Variants in MNAT1 observed in about 807,000 individuals in gnomAD.
The protein encoded by MNAT1 is MNAT1 component of CDK activating kinase.
A neutral mutation model predicts 42.0 loss-of-function variants in MNAT1; 43 were observed. That is an observed-to-expected ratio of 1.02 (90% CI 0.80 to 1.32). MNAT1 has a LOEUF of 1.32. Among genes scored for constraint, MNAT1 ranks in the 40% most tolerant of loss-of-function variants. The pLI, the probability that MNAT1 is intolerant of heterozygous loss-of-function variation, is 0.00. For missense variants in MNAT1, 306 were observed against 350.4 expected, an observed-to-expected ratio of 0.87 and a Z score of 1.01; for synonymous variants, 118 against 120.0, an observed-to-expected ratio of 0.98 and a Z score of 0.11.
intron 7 of MNAT1, among the ~76,000 whole-genome samples, chr14:60,961,230 G>A (rs999998124): frequency 2.0e-5 from 3 of 152,200 alleles, no homozygotes; most frequent in Non-Finnish European, 4.4e-5. Flanking sequence ...CCAAAGTGCT[G>A]GGATTACAGG....
chr14:60,925,389 T>C (rs2035746317), intron 7 of MNAT1, among the ~76,000 whole-genome samples: 1 of 152,124 alleles, frequency 6.6e-6, no homozygotes, highest in Non-Finnish European at 1.5e-5. Context: ...CCCCCACAGA[T>C]GCTAAGGGAT....
intron 1 of MNAT1, among the ~76,000 whole-genome samples, chr14:60,756,109 A>C (rs1315260216): frequency 6.6e-6 from 1 of 152,162 alleles, no homozygotes; most frequent in African/African-American, 2.4e-5. Context: ...TATGATGCTT[A>C]GATTATTTGA....
At chr14:60,798,775 T>G (rs1482075274) in intron 3 of MNAT1, among the ~76,000 whole-genome samples, 6 of 152,196 alleles carry the variant, frequency 3.9e-5, no homozygotes, top group Non-Finnish European at 7.4e-5. Flanking sequence ...GAAGTTGTTA[T>G]ATGTTGATTT....
intron 6 of MNAT1, among the ~76,000 whole-genome samples, chr14:60,878,453 C>T (rs2034479342): frequency 6.6e-6 from 1 of 151,936 alleles, no homozygotes. Flanking sequence ...TAATGATTTC[C>T]CATGGAAACT....
At chr14:60,837,772 G>T (rs2033433681) in intron 6 of MNAT1, among the ~76,000 whole-genome samples, 1 of 152,116 alleles carries the variant, frequency 6.6e-6, no homozygotes, top group Admixed American at 6.5e-5. Flanking sequence ...TTTCCTTTTG[G>T]TCTCAGAGTG....
At chr14:60,760,616 A>C (rs1383412458) in intron 1 of MNAT1, among the ~76,000 whole-genome samples, 2 of 152,260 alleles carry the variant, frequency 1.3e-5, no homozygotes, top group Non-Finnish European at 2.9e-5. Context: ...GAGCAATAAA[A>C]GTCTGAAAGA....
At chr14:60,779,911 T>G in intron 1 of MNAT1, 2 of 968,070 alleles carry the variant, frequency 2.1e-6, no homozygotes, top group Non-Finnish European at 3.2e-6. Flanking sequence ...TTGGAGCCGC[T>G]GTGGTTGCTG....
intron 7 of MNAT1, among the ~76,000 whole-genome samples, chr14:60,889,630 A>G: frequency 6.6e-6 from 1 of 152,224 alleles, no homozygotes; most frequent in East Asian, 1.9e-4. Context: ...GAGCTTCTTC[A>G]CAGCAAAAGA....
intron 7 of MNAT1, among the ~76,000 whole-genome samples, chr14:60,910,329 C>T (rs2035319663): frequency 6.6e-6 from 1 of 152,140 alleles, no homozygotes; most frequent in African/African-American, 2.4e-5. Flanking sequence ...CTTCTCCTGC[C>T]TGATTGCCCT....
chr14:60,935,640 T>C (rs2139577061), intron 7 of MNAT1, among the ~76,000 whole-genome samples: 1 of 152,324 alleles, frequency 6.6e-6, no homozygotes, highest in South Asian at 2.1e-4. Flanking sequence ...AAATATATTA[T>C]GGCTTCTGCT....
At chr14:60,743,838 T>C (rs997738226) in intron 1 of MNAT1, among the ~76,000 whole-genome samples, 13 of 152,206 alleles carry the variant, frequency 8.5e-5, no homozygotes, top group Admixed American at 8.5e-4. Flanking sequence ...TTGATCTATC[T>C]TCAGGTTCAC....
intron 7 of MNAT1, among the ~76,000 whole-genome samples, chr14:60,966,217 C>T (rs2036680270): frequency 6.6e-6 from 1 of 151,918 alleles, no homozygotes; most frequent in Non-Finnish European, 1.5e-5. Flanking sequence ...ACCTCTGCCT[C>T]ATGGACTGAA....
At chr14:60,907,770 G>A (rs1268879225) in intron 7 of MNAT1, among the ~76,000 whole-genome samples, 11 of 68,994 alleles carry the variant, frequency 1.6e-4, no homozygotes, top group African/African-American at 4.3e-4. Context: ...CAACAAGAGC[G>A]AAACTGTGTC....
At chr14:60,762,324 C>T (rs1384544134) in intron 1 of MNAT1, among the ~76,000 whole-genome samples, 2 of 152,000 alleles carry the variant, frequency 1.3e-5, no homozygotes, top group Non-Finnish European at 2.9e-5. Context: ...TCTGTAATAT[C>T]TTATGATGGA....
intron 1 of MNAT1, among the ~76,000 whole-genome samples, chr14:60,794,698 A>G (rs1166447611): frequency 6.8e-6 from 1 of 146,580 alleles, no homozygotes; most frequent in Non-Finnish European, 1.5e-5. Flanking sequence ...ATATATATAC[A>G]TATGTGTGTA....
In MNAT1 at chr14:60,937,748, T is replaced by A. The variant is rs1165798910; in HGVS notation, c.810-30481T>A. 2.0e-5 allele frequency among the ~76,000 whole-genome samples: 3 copies of A among 152,028 alleles called. No individual in the cohort carries two copies. In the East Asian group the frequency reaches 5.8e-4, roughly 29 times the overall value. ...GGTTCCATATGAACTTTAAAGTAGTTTTTTCCAATTCTGTGAAGAAAGTCA... is the reference window on the plus strand; with the variant it reads ...GGTTCCATATGAACTTTAAAGTAGTATTTTCCAATTCTGTGAAGAAAGTCA... On this transcript the variant is annotated intron_variant, in intron 7 of 7. Transcript: ENST00000261245.
intron 6 of MNAT1, among the ~76,000 whole-genome samples, chr14:60,820,726 C>T (rs1229488325): frequency 6.6e-6 from 1 of 152,238 alleles, no homozygotes; most frequent in East Asian, 1.9e-4. Context: ...CTCTATTCAT[C>T]TGTGTACCCC....
At chr14:60,736,503 G>A (rs1594708732) in intron 1 of MNAT1, among the ~76,000 whole-genome samples, 1 of 152,292 alleles carries the variant, frequency 6.6e-6, no homozygotes, top group East Asian at 1.9e-4. Flanking sequence ...AGATCTAAGA[G>A]TTAAGACTTT....
Position 60,799,021 on chromosome 14 carries a change from G to C in MNAT1, c.316+861G>C, listed in dbSNP as rs539355089. ...TATATATGATAAACTTAACAATTCA[G>C]ATTCCTGAGGAATAATAAATATTCT... On this transcript the variant is annotated intron_variant, in intron 3 of 7. Coordinates refer to ENST00000261245, the MANE Select transcript of MNAT1 (RefSeq NM_002431.4). Among the ~76,000 whole-genome samples the C allele has an allele frequency of 1.8e-4, 27 of 152,212 alleles. 1 individual carries two copies. The highest frequency in any genetic ancestry group is 6.8e-3 in the Middle Eastern group (2 of 294).
Sources: gnomAD v4.1 joint callset for allele counts (sites outside exome capture counted in the v4.1 genomes callset) on GRCh38, gnomAD v4.1.1 for gene constraint, MANE v1.5 for transcripts, NCBI Gene and HGNC (gene_info 2026-07-23, HGNC 2026-07-21) for gene names.